LRRC4C: variants seen among roughly 807,000 people sequenced by gnomAD.
LRRC4C encodes leucine-rich repeat-containing protein 4C.
A neutral mutation model predicts 33.6 loss-of-function variants in LRRC4C; 5 were observed. The ratio of observed to expected loss-of-function variants is 0.15; its 90% confidence interval spans 0.08 to 0.31. LRRC4C has a LOEUF of 0.31. Ranked by LOEUF, LRRC4C falls within the 10% of genes least tolerant of loss-of-function variation. LRRC4C has a pLI of 1.00. For missense variants in LRRC4C, 560 were observed against 796.7 expected (o/e 0.70, Z 3.58); for synonymous variants, 329 against 302.0 (o/e 1.09, Z -0.93).
intron 4 of LRRC4C, among the ~76,000 whole-genome samples, chr11:40,300,681 C>T (rs1207893237): frequency 2.0e-5 from 3 of 152,208 alleles, no homozygotes; most frequent in African/African-American, 4.8e-5. Flanking sequence ...CATTTTAAAT[C>T]GTATCTAGAT....
intron 1 of LRRC4C, among the ~76,000 whole-genome samples, chr11:41,336,000 T>A (rs1329698808): frequency 6.6e-6 from 1 of 152,184 alleles, no homozygotes; most frequent in Non-Finnish European, 1.5e-5. Context: ...CATTTATTTA[T>A]GGAGCAAAGG....
intron 3 of LRRC4C, among the ~76,000 whole-genome samples, chr11:40,477,313 A>C (rs1953287989): frequency 6.6e-6 from 1 of 152,172 alleles, no homozygotes; most frequent in Non-Finnish European, 1.5e-5. Context: ...ATCAAGAAAA[A>C]AAAAATCAGA....
intron 5 of LRRC4C, among the ~76,000 whole-genome samples, chr11:40,160,707 A>G (rs1859081644): frequency 6.6e-6 from 1 of 152,178 alleles, no homozygotes; most frequent in Non-Finnish European, 1.5e-5. Context: ...TAAAATCATC[A>G]TTAAAAAGTC....
chr11:41,170,350 A>C (rs190068188), intron 1 of LRRC4C, among the ~76,000 whole-genome samples: 19 of 152,304 alleles, frequency 1.2e-4, no homozygotes, highest in East Asian at 1.2e-3. Flanking sequence ...CCTGACTTCA[A>C]ACTATACTAC....
In LRRC4C at chr11:40,801,655, T is replaced by A. The variant is rs189884282; in HGVS notation, c.-407+131980A>T. Among the ~76,000 whole-genome samples the A allele has an allele frequency of 5.9e-5, 9 of 152,336 alleles. No homozygotes were observed. The East Asian group carries it at 1.7e-3, about 29-fold the overall frequency. On this transcript the variant is annotated intron_variant, in intron 2 of 6. Transcript: ENST00000528697. ...TCTATGTTTATATCTAATAATTTTT[T>A]AATCTCTCACAGTTACTTTTAGAAA...
At chr11:40,890,889 G>C (rs1955675358) in intron 2 of LRRC4C, among the ~76,000 whole-genome samples, 1 of 152,070 alleles carries the variant, frequency 6.6e-6, no homozygotes. Context: ...AAAAAGCTAA[G>C]GGGAAGAAAG....
chr11:40,694,541 C>T (rs1945394528), intron 2 of LRRC4C, among the ~76,000 whole-genome samples: 1 of 152,116 alleles, frequency 6.6e-6, no homozygotes, highest in African/African-American at 2.4e-5. Flanking sequence ...TTTATACACT[C>T]ATAATGTATT....
intron 1 of LRRC4C, among the ~76,000 whole-genome samples, chr11:40,961,339 C>G (rs1343619043): frequency 1.3e-5 from 2 of 151,544 alleles, no homozygotes; most frequent in Non-Finnish European, 3.0e-5. Context: ...CATTGAGGCT[C>G]CATTTTGTTA....
intron 1 of LRRC4C, among the ~76,000 whole-genome samples, chr11:40,989,077 A>G (rs907754643): frequency 6.6e-6 from 1 of 152,052 alleles, no homozygotes; most frequent in African/African-American, 2.4e-5. Flanking sequence ...TTTTGAACAT[A>G]TCACTCTTTT....
At chr11:41,231,857 T>C (rs956489736) in intron 1 of LRRC4C, among the ~76,000 whole-genome samples, 5 of 151,208 alleles carry the variant, frequency 3.3e-5, no homozygotes, top group African/African-American at 1.2e-4. Flanking sequence ...ATAGAAAGAG[T>C]AACTAGTCCA....
intron 2 of LRRC4C, among the ~76,000 whole-genome samples, chr11:40,772,043 C>A (rs1949778577): frequency 6.6e-6 from 1 of 152,196 alleles, no homozygotes; most frequent in South Asian, 2.1e-4. Context: ...CAGCAACCCA[C>A]TTCTTGTACC....
chr11:41,061,966 G>T (rs1937806578), intron 1 of LRRC4C, among the ~76,000 whole-genome samples: 1 of 152,198 alleles, frequency 6.6e-6, no homozygotes, highest in African/African-American at 2.4e-5. Flanking sequence ...TCAATTGGCT[G>T]CTTCCATTTG....
At chr11:40,389,677 A>T (rs1011389613) in intron 3 of LRRC4C, among the ~76,000 whole-genome samples, 1 of 152,122 alleles carries the variant, frequency 6.6e-6, no homozygotes, top group African/African-American at 2.4e-5. Flanking sequence ...AATCTCCCCT[A>T]AATATTGACT....
At chr11:41,100,765 G>A (rs1193712010) in intron 1 of LRRC4C, among the ~76,000 whole-genome samples, 2 of 152,148 alleles carry the variant, frequency 1.3e-5, no homozygotes, top group South Asian at 2.1e-4. Context: ...CAAAGCTGGA[G>A]GTGTCATGCT....
chr11:40,535,992 T>G (rs563788254), intron 3 of LRRC4C, among the ~76,000 whole-genome samples: 1 of 152,310 alleles, frequency 6.6e-6, no homozygotes, highest in African/African-American at 2.4e-5. Flanking sequence ...TTACTTAAGG[T>G]AAAAAGCAAA....
chr11:40,612,860 G>T (rs1254199128), intron 3 of LRRC4C, among the ~76,000 whole-genome samples: 1 of 151,824 alleles, frequency 6.6e-6, no homozygotes, highest in Non-Finnish European at 1.5e-5. Context: ...TAGCAATAAA[G>T]AGAATCACAC....
rs1855405763 is a variant in LRRC4C, at chr11:40,116,068, G to A, written c.225C>T (p.Ser75=). 2.5e-6 allele frequency: 4 copies of A among 1,613,918 alleles called. No individual in the cohort carries two copies. Among genetic ancestry groups the A allele is most frequent in the African/African-American group, 1.3e-5 (1 of 74,876 alleles). ...KNLREVPDGI[S]TNTRLLNLHE... is the part of the protein sequence containing the mutation. ...GGAGGTTCAGCAGCCGTGTGTTGGTGGAGATGCCATCCGGAACCTCACGCA... is the reference window on the plus strand; with the variant it reads ...GGAGGTTCAGCAGCCGTGTGTTGGTAGAGATGCCATCCGGAACCTCACGCA... The change falls in exon 7 of 7, where the codon TCC becomes TCT. Residue 75 remains serine, a synonymous_variant. Transcript: ENST00000528697.
chr11:41,025,711 A>G (rs1392325958), intron 1 of LRRC4C, among the ~76,000 whole-genome samples: 1 of 151,676 alleles, frequency 6.6e-6, no homozygotes, highest in Admixed American at 6.6e-5. Flanking sequence ...AAAGGTGGCT[A>G]CACCAAACAA....
intron 1 of LRRC4C, among the ~76,000 whole-genome samples, chr11:41,011,596 T>C (rs112239671): frequency 0.022 from 3,312 of 152,030 alleles, 49 homozygotes; most frequent in Non-Finnish European, 0.032. Flanking sequence ...ATGGTTATTA[T>C]AGAAATATTA....
Sources: gnomAD v4.1 joint callset for allele counts (sites outside exome capture counted in the v4.1 genomes callset) on GRCh38, gnomAD v4.1.1 for gene constraint, MANE v1.5 for transcripts, NCBI Gene and HGNC (gene_info 2026-07-23, HGNC 2026-07-21) for gene names.